Variants in DSCAML1 observed in about 807,000 individuals in gnomAD.
DSCAML1 encodes the protein cell adhesion molecule DSCAML1.
A neutral mutation model predicts 200.5 loss-of-function variants in DSCAML1; 38 were observed. The observed-to-expected ratio is 0.19, with a 90% CI of 0.15 to 0.25. The LOEUF (loss-of-function observed/expected upper bound fraction) is 0.25, where lower values mean the gene tolerates loss of function less well. DSCAML1 is among the 10% of genes least tolerant of loss of function. The probability of loss-of-function intolerance (pLI) is 1.00; values close to 1 mark genes in which losing one functional copy is unlikely to be tolerated. For missense variants in DSCAML1, 2,223 were observed against 2,858.8 expected, an observed-to-expected ratio of 0.78 and a Z score of 5.07; for synonymous variants, 1,215 against 1,165.0, an observed-to-expected ratio of 1.04 and a Z score of -0.87.
At chr11:117,718,108 A>G (rs944496506) in intron 3 of DSCAML1, among the ~76,000 whole-genome samples, 5 of 152,314 alleles carry the variant, frequency 3.3e-5, no homozygotes, top group African/African-American at 9.6e-5. Context: ...TGGCAGGCGG[A>G]GCAGCATCCG....
At chr11:117,462,157 A>T (rs958275690) in intron 17 of DSCAML1, among the ~76,000 whole-genome samples, 1 of 152,194 alleles carries the variant, frequency 6.6e-6, no homozygotes, top group Non-Finnish European at 1.5e-5. Flanking sequence ...CTGGTGCAGG[A>T]GAGGAGTTTC....
intron 32 of DSCAML1, among the ~76,000 whole-genome samples, chr11:117,430,361 G>A (rs1408550787): frequency 6.6e-6 from 1 of 152,068 alleles, no homozygotes; most frequent in Admixed American, 6.5e-5. Flanking sequence ...TTCAGATTAA[G>A]GGGATGCTCA....
chr11:117,627,820 A>G (rs2052086025), intron 3 of DSCAML1, among the ~76,000 whole-genome samples: 1 of 152,020 alleles, frequency 6.6e-6, no homozygotes, highest in Non-Finnish European at 1.5e-5. Context: ...CGCTGCCCAC[A>G]TGCCTCTATT....
chr11:117,428,503 G>A lies in DSCAML1; in HGVS notation c.5987C>T (p.Pro1996Leu), dbSNP rs2047709644. ...CGGAGGGGCAGCGCTGGGGGCGGTG[G>A]GTGGCTCAGCAGGGGTGGGGCCGGG... is the stretch of plus-strand genomic sequence containing the variant. ...PAPGPTPAEP[P>L]TAPSAAPPAP... The change falls in exon 33 of 33, where the codon CCC (proline) becomes CTC (leucine). Residue 1996 changes from proline to leucine, a missense_variant. Physicochemically the swap from Pro to Leu is moderately conservative, Grantham distance 98 (BLOSUM62 -3). Transcript: ENST00000651296. 3 of 1,517,766 alleles carry A rather than the reference G, an allele frequency of 2.0e-6. No individual in the cohort carries two copies. The highest frequency in any genetic ancestry group is 2.0e-5 in the Admixed American group (1 of 49,500). 94.0% of individuals were successfully genotyped at this position (1,517,766 alleles called of 1,614,324 possible).
At chr11:117,661,635 G>A (rs557003575) in intron 3 of DSCAML1, among the ~76,000 whole-genome samples, 1 of 152,136 alleles carries the variant, frequency 6.6e-6, no homozygotes, top group Non-Finnish European at 1.5e-5. Flanking sequence ...GGTCCTCCTA[G>A]GTCTCCTCTC....
intron 3 of DSCAML1, among the ~76,000 whole-genome samples, chr11:117,655,389 G>A (rs1370413501): frequency 6.6e-6 from 1 of 152,222 alleles, no homozygotes; most frequent in Non-Finnish European, 1.5e-5. Flanking sequence ...AGACTTTACA[G>A]GTACTTACAA....
In DSCAML1 at chr11:117,482,175, G is replaced by A; in HGVS notation, c.2360-13C>T. On this transcript the variant is annotated splice_polypyrimidine_tract_variant and intron_variant, in intron 11 of 32. Coordinates refer to ENST00000651296, the MANE Select transcript of DSCAML1 (RefSeq NM_020693.4). The stretch of plus-strand genomic sequence containing the variant: ...ATCATGGCCGGGACTGGGGGGCGGA[G>A]GCAGAGAAGGCCCAGTGAAGGTCGG... 1.9e-6 allele frequency: 3 copies of A among 1,613,776 alleles called. No individual in the cohort carries two copies. Among genetic ancestry groups the A allele is most frequent in the Non-Finnish European group, 2.5e-6 (3 of 1,179,866 alleles).
At chr11:117,767,243 G>A (rs187358240) in intron 3 of DSCAML1, among the ~76,000 whole-genome samples, 1 of 152,106 alleles carries the variant, frequency 6.6e-6, no homozygotes, top group African/African-American at 2.4e-5. Context: ...CATTTCCTCA[G>A]GGTATGGCCT....
chr11:117,727,466 C>T (rs1014646152), intron 3 of DSCAML1, among the ~76,000 whole-genome samples: 2 of 152,194 alleles, frequency 1.3e-5, no homozygotes, highest in Non-Finnish European at 2.9e-5. Flanking sequence ...CTCACTCACC[C>T]TAAGTTGGGT....
chr11:117,553,772 CA>C (rs1285124951), intron 3 of DSCAML1, among the ~76,000 whole-genome samples: 2 of 152,210 alleles, frequency 1.3e-5, no homozygotes, highest in African/African-American at 4.8e-5. Context: ...TGTGATCCAG[CA>C]ATTTGGGTAT....
intron 3 of DSCAML1, among the ~76,000 whole-genome samples, chr11:117,619,194 G>T (rs757978925): frequency 6.6e-6 from 1 of 152,220 alleles, no homozygotes; most frequent in Non-Finnish European, 1.5e-5. Flanking sequence ...CTCTACTCCA[G>T]CCCCTGGTGG....
intron 3 of DSCAML1, among the ~76,000 whole-genome samples, chr11:117,556,522 T>TGAATC (rs2050561640): frequency 2.8e-4 from 1 of 3,570 alleles, no homozygotes; most frequent in African/African-American, 1.0e-3. Flanking sequence ...TCTTTTCCAG[T>TGAATC]TAATTTCTCT....
At chr11:117,740,572 C>T (rs1285314515) in intron 3 of DSCAML1, among the ~76,000 whole-genome samples, 1 of 152,092 alleles carries the variant, frequency 6.6e-6, no homozygotes, top group Admixed American at 6.5e-5. Flanking sequence ...CCAACCCTGG[C>T]CCCCGTCAGC....
intron 3 of DSCAML1, among the ~76,000 whole-genome samples, chr11:117,572,110 A>G (rs1253888300): frequency 1.3e-5 from 2 of 152,252 alleles, no homozygotes; most frequent in Admixed American, 1.3e-4. Flanking sequence ...TGGAATAGCC[A>G]TTCTTTTATT....
At chr11:117,668,279 C>T (rs2053021908) in intron 3 of DSCAML1, among the ~76,000 whole-genome samples, 1 of 152,214 alleles carries the variant, frequency 6.6e-6, no homozygotes, top group African/African-American at 2.4e-5. Context: ...CACAGAATAT[C>T]TGCCCTAGAT....
rs139115836 is a variant in DSCAML1, at chr11:117,530,105, C to T, written c.658+2271G>A. ...CCTCTCTCTTGTCTGTCGGTACCGTCCCATCTTCATGCCCGCTTTTCTATT... is the reference window on the plus strand; with the variant it reads ...CCTCTCTCTTGTCTGTCGGTACCGTTCCATCTTCATGCCCGCTTTTCTATT... On this transcript the variant is annotated intron_variant, in intron 4 of 32. Coordinates refer to ENST00000651296, the MANE Select transcript of DSCAML1 (RefSeq NM_020693.4). Among the ~76,000 whole-genome samples the T allele has an allele frequency of 7.2e-3, 1,091 of 152,264 alleles. 14 individuals are homozygous for T. The highest frequency in any genetic ancestry group is 0.024 in the African/African-American group (988 of 41,536).
intron 3 of DSCAML1, among the ~76,000 whole-genome samples, chr11:117,608,251 A>C (rs1191686239): frequency 6.6e-6 from 1 of 152,268 alleles, no homozygotes; most frequent in African/African-American, 2.4e-5. Flanking sequence ...GCCAGTACTT[A>C]ATGATCTGAT....
chr11:117,798,941 G>A (rs2055630869), upstream of DSCAML1, among the ~76,000 whole-genome samples: 1 of 152,144 alleles, frequency 6.6e-6, no homozygotes, highest in Non-Finnish European at 1.5e-5. Flanking sequence ...ATTTGCAGGA[G>A]GTGTTTTGTC....
chr11:117,755,549 G>A (rs1330206863), intron 3 of DSCAML1, among the ~76,000 whole-genome samples: 1 of 152,174 alleles, frequency 6.6e-6, no homozygotes, highest in Non-Finnish European at 1.5e-5. Context: ...TTCCTTCCCT[G>A]GGAAGATTCC....
Sources: gnomAD v4.1 joint callset for allele counts (sites outside exome capture counted in the v4.1 genomes callset) on GRCh38, gnomAD v4.1.1 for gene constraint, MANE v1.5 for transcripts, NCBI Gene and HGNC (gene_info 2026-07-23, HGNC 2026-07-21) for gene names.